The following SAMD8 variants were observed in gnomAD, a reference collection of about 807,000 sequenced individuals.
SAMD8 encodes sphingomyelin synthase-related protein 1.
Under a neutral mutation model 42.0 loss-of-function variants are expected in SAMD8, and 20 were observed. The ratio of observed to expected loss-of-function variants is 0.48; its 90% confidence interval spans 0.34 to 0.69. The LOEUF (loss-of-function observed/expected upper bound fraction) is 0.69, where lower values mean the gene tolerates loss of function less well. SAMD8 is among the 30% of genes least tolerant of loss of function. The pLI is 0.01. For missense variants in SAMD8, 328 were observed against 511.6 expected (o/e 0.64, Z 3.46); for synonymous variants, 162 against 173.0 (o/e 0.94, Z 0.50).
chr10:75,101,726 G>A lies in SAMD8; in HGVS notation c.-16+1998G>A, dbSNP rs891259704. 97 of 457,938 alleles carry A rather than the reference G, an allele frequency of 2.1e-4. 1 individual carries two copies. Among genetic ancestry groups the A allele is most frequent in the South Asian group, 7.8e-4 (43 of 55,078 alleles). The allele number at this position is 457,938 out of a possible 1,614,324, so 28.4% of individuals were successfully genotyped here. A position where few individuals can be genotyped will look rare whatever the true frequency, so the allele number is the denominator to read the frequency against. On this transcript the variant is annotated intron_variant, in intron 1 of 3. Transcript: ENST00000447533. The stretch of plus-strand genomic sequence containing the variant: ...TCTGACTCTACTATACCTTGTCTGC[G>A]CCTTCATCTCTGACCCAGTCGGTTC...
chr10:75,176,268 A>G lies in SAMD8; in HGVS notation c.943+52A>G, dbSNP rs2132222649. ...CGTATTAGGTAACTAGCTGCAGTGA[A>G]GGCTGTGGGAAGGGTGTCAGATCCT... On this transcript the variant is annotated intron_variant, in intron 5 of 5. Coordinates refer to ENST00000542569, the MANE Select transcript of SAMD8 (RefSeq NM_001174156.2). The surrounding 1 kb of genome is among the most constrained non-coding windows in gnomAD (Gnocchi z 4.3). The G allele has an allele frequency of 6.2e-7, 1 of 1,613,740 alleles. No individual in the cohort carries two copies.
chr10:75,140,216 T>C (rs1345812677), intron 1 of SAMD8, among the ~76,000 whole-genome samples: 1 of 152,204 alleles, frequency 6.6e-6, no homozygotes, highest in Non-Finnish European at 1.5e-5. Flanking sequence ...GCAATTCTCC[T>C]GCCTTAGCCT....
At chr10:75,100,836 C>T (rs896406228) in intron 1 of SAMD8, among the ~76,000 whole-genome samples, 1 of 152,246 alleles carries the variant, frequency 6.6e-6, no homozygotes, top group African/African-American at 2.4e-5. Flanking sequence ...TCCCATCCTC[C>T]CCCAGGAAGC....
At chr10:75,165,977 C>CAAAAAAAA (rs56839743) in intron 3 of SAMD8, among the ~76,000 whole-genome samples, 1 of 62,532 alleles carries the variant, frequency 1.6e-5, no homozygotes, top group Non-Finnish European at 3.4e-5. Flanking sequence ...ACCCTGTCTC[C>CAAAAAAAA]AAAAAAAAAA....
chr10:75,143,265 C>T (rs1840063237), intron 1 of SAMD8, among the ~76,000 whole-genome samples: 1 of 152,214 alleles, frequency 6.6e-6, no homozygotes, highest in Admixed American at 6.5e-5. Context: ...TAGGTCATGC[C>T]ACTGCACTCC....
At chr10:75,103,331 C>A (rs1355202331) in intron 1 of SAMD8, among the ~76,000 whole-genome samples, 1 of 152,222 alleles carries the variant, frequency 6.6e-6, no homozygotes. Context: ...CTGAGGGAAG[C>A]AGCACAGGCC....
At chr10:75,107,765 C>T (rs781075102), upstream of SAMD8, among the ~76,000 whole-genome samples, 2 of 152,116 alleles carry the variant, frequency 1.3e-5, no homozygotes, top group South Asian at 2.1e-4. Context: ...TTAGTAGAGA[C>T]GAGGTTTCAC....
At chr10:75,114,377 C>G (rs916564486) in intron 1 of SAMD8, among the ~76,000 whole-genome samples, 1 of 151,724 alleles carries the variant, frequency 6.6e-6, no homozygotes, top group Non-Finnish European at 1.5e-5. Context: ...AAGAAGCCAT[C>G]ATGACTGCGA....
chr10:75,152,059 A>AT (rs1399176223), intron 2 of SAMD8, among the ~76,000 whole-genome samples: 1 of 89,372 alleles, frequency 1.1e-5, no homozygotes, highest in Non-Finnish European at 2.7e-5. Context: ...GCCTTTTTTT[A>AT]TTTTTTTTTA....
intron 2 of SAMD8, among the ~76,000 whole-genome samples, chr10:75,154,264 A>G (rs1335486309): frequency 1.3e-5 from 2 of 152,196 alleles, no homozygotes; most frequent in East Asian, 3.8e-4. Context: ...TATATTGCAG[A>G]TTTCTCCAAA....
At chr10:75,143,035 G>A (rs185911514) in intron 1 of SAMD8, among the ~76,000 whole-genome samples, 14 of 151,886 alleles carry the variant, frequency 9.2e-5, no homozygotes, top group Admixed American at 5.3e-4. Flanking sequence ...GCGGCTGGGC[G>A]CGGTGGCTCA....
chr10:75,107,863 C>T (rs1848610681), upstream of SAMD8: 1 of 1,151,722 alleles, frequency 8.7e-7, no homozygotes, highest in Middle Eastern at 2.9e-4. Flanking sequence ...AAGCATGAGC[C>T]ACCACACACG....
At chr10:75,124,392 C>T (rs1183162271) in intron 1 of SAMD8, among the ~76,000 whole-genome samples, 2 of 152,114 alleles carry the variant, frequency 1.3e-5, no homozygotes, top group African/African-American at 4.8e-5. Flanking sequence ...ACGGGCAGAT[C>T]ACTTGAGGTC....
upstream of SAMD8, among the ~76,000 whole-genome samples, chr10:75,111,165 C>CA (rs1173832087): frequency 6.6e-6 from 1 of 152,224 alleles, no homozygotes; most frequent in Non-Finnish European, 1.5e-5. Flanking sequence ...TAGACACTGT[C>CA]AAAGAGTAAA....
At chr10:75,147,290 T>C (rs1212650833) in intron 1 of SAMD8, among the ~76,000 whole-genome samples, 1 of 152,148 alleles carries the variant, frequency 6.6e-6, no homozygotes, top group African/African-American at 2.4e-5. Flanking sequence ...AGACTAGAAA[T>C]AATGTGACTG....
At chr10:75,128,203 G>A (rs1212985717) in intron 1 of SAMD8, among the ~76,000 whole-genome samples, 1 of 151,156 alleles carries the variant, frequency 6.6e-6, no homozygotes, top group African/African-American at 2.4e-5. Flanking sequence ...CTCCCGAGTA[G>A]CTGGGATTAC....
At position 75,156,746 on chromosome 10, in the gene SAMD8, T is replaced by C. The variant is rs565906227; in HGVS notation, c.578+5640T>C. ...CTGACATGGACTCTAAAAATGTCAG[T>C]GTCATGGCAGGCAAAATCCAGGGGG... On this transcript the variant is annotated intron_variant, in intron 2 of 5. Coordinates refer to ENST00000542569, the MANE Select transcript of SAMD8 (RefSeq NM_001174156.2). Among the ~76,000 whole-genome samples the C allele has an allele frequency of 3.3e-5, 5 of 151,936 alleles. No individual in the cohort carries two copies. In the East Asian group the frequency reaches 9.7e-4, roughly 29 times the overall value.
At chr10:75,104,237 C>A (rs1431915723) in intron 1 of SAMD8, 9 of 460,994 alleles carry the variant, frequency 2.0e-5, no homozygotes, top group Non-Finnish European at 3.3e-5. Flanking sequence ...GTGAGTGCAG[C>A]TGCTGGGAGA....
chr10:75,133,894 G>A (rs985959862), intron 1 of SAMD8, among the ~76,000 whole-genome samples: 9 of 152,168 alleles, frequency 5.9e-5, no homozygotes, highest in African/African-American at 1.9e-4. Flanking sequence ...TGCAAAGAAC[G>A]TGATCTCATT....
Sources: allele counts gnomAD v4.1 joint callset (sites outside exome capture counted in the v4.1 genomes callset), GRCh38; gene constraint gnomAD v4.1.1; non-coding constraint Gnocchi (gnomAD v3.1); transcripts MANE v1.5; gene names NCBI Gene and HGNC (gene_info 2026-07-23, HGNC 2026-07-21).